The following NUF2 variants were observed in gnomAD, a reference collection of about 807,000 sequenced individuals.
The protein encoded by NUF2 is NUF2 component of NDC80 kinetochore complex, also known as kinetochore protein Nuf2.
In NUF2, 34 loss-of-function variants were observed where a neutral mutation model predicts 61.8. The observed-to-expected ratio is 0.55, with a 90% CI of 0.42 to 0.73. The LOEUF (loss-of-function observed/expected upper bound fraction) is 0.73, where lower values mean the gene tolerates loss of function less well. Ranked by LOEUF, NUF2 falls within the 30% of genes least tolerant of loss-of-function variation. NUF2 has a pLI of 0.00. For missense variants in NUF2, 445 were observed against 539.1 expected (o/e 0.83, Z 1.73); for synonymous variants, 172 against 181.6 (o/e 0.95, Z 0.42).
chr1:163,355,528 A>G lies in NUF2; in HGVS notation c.*59A>G, dbSNP rs908579031. 1.3e-5 allele frequency: 20 copies of G among 1,498,908 alleles called. No individual in the cohort carries two copies. The African/African-American group carries it at 2.6e-4, about 19-fold the overall frequency. 92.9% of individuals were successfully genotyped at this position (1,498,908 alleles called of 1,614,324 possible). A position where few individuals can be genotyped will look rare whatever the true frequency, so the allele number is the denominator to read the frequency against. ...TGCCATCTTTTAATTTTCTATTTAG[A>G]AAGAAAAGTTGAAGCGAATGGAAGT... On this transcript the variant is annotated 3_prime_UTR_variant, in exon 14 of 14. Transcript: ENST00000271452.
chr1:163,349,342 G>C (rs753239575), intron 13 of NUF2, among the ~76,000 whole-genome samples: 5 of 151,966 alleles, frequency 3.3e-5, no homozygotes, highest in Non-Finnish European at 5.9e-5. Context: ...ATGTTTACCT[G>C]TTTCTATTCT....
Position 163,340,350 on chromosome 1 carries a change from G to T in NUF2, c.607-14G>T, listed in dbSNP as rs1301890453. On this transcript the variant is annotated splice_polypyrimidine_tract_variant and intron_variant, in intron 8 of 13. Coordinates refer to ENST00000271452, the MANE Select transcript of NUF2 (RefSeq NM_145697.3). ...TTTTGAATCATTATAAAACGTGTTT[G>T]CTTTTTCCCTTAGATAGTGCTGCAA... The T allele has an allele frequency of 6.3e-7, 1 of 1,596,892 alleles. No individual in the cohort carries two copies.
intron 8 of NUF2, among the ~76,000 whole-genome samples, chr1:163,339,701 A>C (rs966641340): frequency 2.0e-5 from 3 of 152,026 alleles, no homozygotes; most frequent in African/African-American, 7.2e-5. Flanking sequence ...ATTGAATAGA[A>C]TTTTTTAGGG....
At chr1:163,333,913 A>G (rs1650675469) in intron 5 of NUF2, among the ~76,000 whole-genome samples, 1 of 152,170 alleles carries the variant, frequency 6.6e-6, no homozygotes, top group African/African-American at 2.4e-5. Context: ...TAGTGCACCC[A>G]TCACTCAAGT....
intron 9 of NUF2, among the ~76,000 whole-genome samples, chr1:163,341,330 C>T (rs960551214): frequency 6.6e-6 from 1 of 152,152 alleles, no homozygotes; most frequent in Admixed American, 6.5e-5. Flanking sequence ...CTGCCTCAGC[C>T]TCCTGACCAG....
chr1:163,337,379 T>C (rs1236813009), intron 6 of NUF2, among the ~76,000 whole-genome samples: 1 of 152,068 alleles, frequency 6.6e-6, no homozygotes, highest in East Asian at 1.9e-4. Context: ...GTGTGATTTT[T>C]CCCATTTGTC....
At chr1:163,354,400 T>C (rs754922259) in intron 13 of NUF2, among the ~76,000 whole-genome samples, 1 of 152,164 alleles carries the variant, frequency 6.6e-6, no homozygotes, top group Non-Finnish European at 1.5e-5. Context: ...GCAGAGTTGC[T>C]GGAAATAGGG....
chr1:163,348,582 G>C (rs1039559799), intron 12 of NUF2, among the ~76,000 whole-genome samples: 1 of 152,106 alleles, frequency 6.6e-6, no homozygotes, highest in African/African-American at 2.4e-5. Context: ...AAACTGCCTT[G>C]TAGAAAAGTT....
rs2101667521 is a variant in NUF2, at chr1:163,328,254, T to C, written c.225T>C (p.Tyr75=). The C allele has an allele frequency of 6.2e-7, 1 of 1,609,188 alleles. No homozygotes were observed. Residue 75 remains tyrosine (Y), a synonymous_variant, in exon 4 of 14, where the codon TAT becomes TAC. Transcript: ENST00000271452. The stretch of plus-strand genomic sequence containing the variant: ...TGCCAGTGAACTCTGAAGTCATGTA[T>C]CCACATTTAATGGAAGGCTTCTTAC... The part of the protein sequence containing the change: ...YMMPVNSEVM[Y]PHLMEGFLPF...
chr1:163,339,344 T>A, intron 7 of NUF2, 37 bp from the exon 8 acceptor site: 1 of 1,266,030 alleles, frequency 7.9e-7, no homozygotes. Context: ...CTTTCAAAAG[T>A]GAAGAGCAGT....
At position 163,327,474 on chromosome 1, in the gene NUF2, G is replaced by T. The variant is rs1300349752; in HGVS notation, c.124-14G>T. 6.4e-7 allele frequency: 1 copy of T among 1,552,874 alleles called. No homozygotes were observed. Among genetic ancestry groups the T allele is most frequent in the Admixed American group, 1.7e-5 (1 of 59,628 alleles). ...GTTATGCATCGGAGTATTCAAAGTT[G>T]TTTTTTGCTGTAGCCTGAAGTCTTG... On this transcript the variant is annotated splice_polypyrimidine_tract_variant and intron_variant, in intron 2 of 13. Coordinates refer to ENST00000271452, the MANE Select transcript of NUF2 (RefSeq NM_145697.3).
intron 3 of NUF2, 91 bp from the exon 4 acceptor site, chr1:163,328,137 A>C (rs1476926830): frequency 2.7e-6 from 2 of 742,406 alleles, no homozygotes; most frequent in Non-Finnish European, 4.5e-6. Flanking sequence ...ATTTAATGAT[A>C]GTGAGTTAAT....
chr1:163,327,537 G>A lies in NUF2; in HGVS notation c.173G>A (p.Gly58Glu). The A allele has an allele frequency of 6.2e-7, 1 of 1,611,488 alleles. No homozygotes were observed. Among genetic ancestry groups the A allele is most frequent in the Non-Finnish European group, 8.5e-7 (1 of 1,177,880 alleles). The change falls in exon 3 of 14, where the codon GGA (glycine) becomes GAA (glutamate). Residue 58 changes from glycine (G) to glutamate (E), a missense_variant. Gly to Glu is a moderately conservative substitution (Grantham distance 98). Transcript: ENST00000271452. ...IYMRALQIVY[G>E]IRLEHFYMMP... ...ATGAGAGCCTTACAAATAGTATATG[G>A]AATTCGACTGGAACATTTTTACATG...
chr1:163,352,818 A>G (rs1429003184), intron 13 of NUF2, among the ~76,000 whole-genome samples: 2 of 152,008 alleles, frequency 1.3e-5, no homozygotes, highest in African/African-American at 4.8e-5. Flanking sequence ...GCGAGCTGAG[A>G]TTGCACCACT....
At chr1:163,324,632 G>C (rs1650351114) in intron 1 of NUF2, among the ~76,000 whole-genome samples, 2 of 152,184 alleles carry the variant, frequency 1.3e-5, no homozygotes, top group African/African-American at 4.8e-5. Flanking sequence ...CTGGAGAGTA[G>C]GGGATCTGAA....
rs1006408844 is a variant in NUF2 at position 163,322,168 on chromosome 1, C to G, written c.-65C>G. The G allele has an allele frequency of 2.0e-5, 3 of 152,222 alleles. No individual in the cohort carries two copies. Among genetic ancestry groups the G allele is most frequent in the African/African-American group, 4.8e-5 (2 of 41,418 alleles). The allele number at this position is 152,222 out of a possible 1,614,324, so 9.4% of individuals were successfully genotyped here. A position where few individuals can be genotyped will look rare whatever the true frequency, so the allele number is the denominator to read the frequency against. On this transcript the variant is annotated 5_prime_UTR_variant, in exon 1 of 14. Transcript: ENST00000271452. ...ACGCTGGGCCTGGCGGTGTTTTCGT[C>G]GTGCTCAGCGGTGGGAGGAGGCGGA...
chr1:163,353,076 A>G (rs1006487045), intron 13 of NUF2, among the ~76,000 whole-genome samples: 1 of 152,158 alleles, frequency 6.6e-6, no homozygotes, highest in African/African-American at 2.4e-5. Context: ...TTACATTTAA[A>G]TTAATTACAG....
Position 163,328,279 on chromosome 1 carries a change from C to G in NUF2, c.250C>G (p.Pro84Ala). Residue 84 changes from proline (P) to alanine (A), a missense_variant, in exon 4 of 14, where the codon CCA becomes GCA. Physicochemically the swap from Pro to Ala is conservative, Grantham distance 27 (BLOSUM62 -1). Transcript: ENST00000271452. ...MYPHLMEGFLPFSNLVTHLDS... is the reference protein window; with the variant it reads ...MYPHLMEGFLAFSNLVTHLDS... ...TCCACATTTAATGGAAGGCTTCTTACCATTCAGCAATTTAGTTACTCATCT... is the reference window on the plus strand; with the variant it reads ...TCCACATTTAATGGAAGGCTTCTTAGCATTCAGCAATTTAGTTACTCATCT... 1 of 1,606,214 alleles carries G rather than the reference C, an allele frequency of 6.2e-7. No individual in the cohort carries two copies. Among genetic ancestry groups the G allele is most frequent in the South Asian group, 1.1e-5 (1 of 89,726 alleles).
Position 163,339,447 on chromosome 1 carries a change from A to T in NUF2, c.576A>T (p.Gln192His). ...QLSDGIQELQ[Q>H]SLNQDFHQKT... ...CAGATGGAATTCAGGAGCTACAACA[A>T]TCACTAAATCAGGATTTTCATCAAA... Residue 192 changes from glutamine to histidine, a missense_variant, in exon 8 of 14, where the codon CAA becomes CAT. Coordinates refer to ENST00000271452, the MANE Select transcript of NUF2 (RefSeq NM_145697.3). 1 of 1,611,912 alleles carries T rather than the reference A, an allele frequency of 6.2e-7. No individual in the cohort carries two copies. Among genetic ancestry groups the T allele is most frequent in the African/African-American group, 1.3e-5 (1 of 75,006 alleles).
Sources: allele counts gnomAD v4.1 joint callset (sites outside exome capture counted in the v4.1 genomes callset), GRCh38; gene constraint gnomAD v4.1.1; transcripts MANE v1.5; gene names NCBI Gene and HGNC (gene_info 2026-07-23, HGNC 2026-07-21).